Variants in CREB5 observed in about 807,000 individuals in gnomAD.
The protein encoded by CREB5 is cyclic AMP-responsive element-binding protein 5.
A neutral mutation model predicts 57.1 loss-of-function variants in CREB5; 19 were observed. That is an observed-to-expected ratio of 0.33 (90% confidence interval 0.23 to 0.49). The LOEUF (loss-of-function observed/expected upper bound fraction) is 0.49. CREB5 is among the 20% of genes least tolerant of loss of function. The pLI is 0.99. For synonymous variants in CREB5, 238 were observed against 238.3 expected (o/e 1.00, Z 0.01); for missense variants, 579 against 671.6 (o/e 0.86, Z 1.52).
chr7:28,507,812 C>T, intron 4 of CREB5, 75 bp downstream of exon 4: 2 of 1,465,584 alleles, frequency 1.4e-6, no homozygotes, highest in Non-Finnish European at 1.8e-6. Flanking sequence ...TGGCACTGCA[C>T]TGCAGATTGT....
At chr7:28,367,619 C>A (rs568647252) in intron 1 of CREB5, among the ~76,000 whole-genome samples, 44 of 152,204 alleles carry the variant, frequency 2.9e-4, no homozygotes, top group Middle Eastern at 3.4e-3. Context: ...ACCAGCCTGA[C>A]CAACATGGTG....
chr7:28,435,796 C>T (rs1788936406), intron 1 of CREB5: 1 of 395,602 alleles, frequency 2.5e-6, no homozygotes, highest in African/African-American at 2.2e-5. Flanking sequence ...ACATTTCTGC[C>T]ATTGCTCACT....
At chr7:28,472,985 T>A (rs1188293608) in intron 1 of CREB5, among the ~76,000 whole-genome samples, 5 of 152,190 alleles carry the variant, frequency 3.3e-5, no homozygotes, top group African/African-American at 1.2e-4. Context: ...CCTCCCCTGC[T>A]TAGTCTTCAA....
chr7:28,384,364 T>C (rs1450997838), intron 1 of CREB5, among the ~76,000 whole-genome samples: 1 of 152,182 alleles, frequency 6.6e-6, no homozygotes, highest in Non-Finnish European at 1.5e-5. Flanking sequence ...TTTTGAATAG[T>C]GTCTGTATTA....
At chr7:28,797,110 TG>T (rs1808091142) in intron 7 of CREB5, among the ~76,000 whole-genome samples, 1 of 152,250 alleles carries the variant, frequency 6.6e-6, no homozygotes, top group African/African-American at 2.4e-5. Context: ...GATATTAATA[TG>T]GAAAAGGCTG....
chr7:28,604,414 C>G lies in CREB5; in HGVS notation c.464+33877C>G, dbSNP rs191155330. On this transcript the variant is annotated intron_variant, in intron 5 of 10. Coordinates refer to ENST00000357727, the MANE Select transcript of CREB5 (RefSeq NM_182898.4). ...TAGAGCTAGATAATAAGAGGCAACA[C>G]TGCCTACTAAATAGTGCTTGGTGCA... 2.9e-3 allele frequency among the ~76,000 whole-genome samples: 443 copies of G among 152,250 alleles called. 1 individual carries two copies. Among genetic ancestry groups the G allele is most frequent in the African/African-American group, 0.01 (428 of 41,562 alleles).
rs535622314 is a variant in CREB5, at chr7:28,417,041, G to A, written c.3+4124G>A. Among the ~76,000 whole-genome samples the A allele has an allele frequency of 3.3e-5, 5 of 152,346 alleles. No homozygotes were observed. In the East Asian group the frequency reaches 9.7e-4, roughly 29 times the overall value. ...ATTCGTGGCTCTGCAACAATGAGCA[G>A]CCTGAGACTGGAGGAGGGACGCAAT... On this transcript the variant is annotated intron_variant, in intron 1 of 10. Coordinates refer to ENST00000357727, the MANE Select transcript of CREB5 (RefSeq NM_182898.4).
chr7:28,748,558 A>G (rs1804800749), intron 7 of CREB5, among the ~76,000 whole-genome samples: 1 of 152,250 alleles, frequency 6.6e-6, no homozygotes, highest in Non-Finnish European at 1.5e-5. Context: ...AGTTCTGGAG[A>G]AAATTCTTTA....
At chr7:28,464,934 G>A (rs1790502646) in intron 1 of CREB5, among the ~76,000 whole-genome samples, 2 of 152,154 alleles carry the variant, frequency 1.3e-5, no homozygotes, top group South Asian at 4.1e-4. Flanking sequence ...GGAAAGAGAG[G>A]CACATATGAT....
At chr7:28,576,461 C>T (rs1016294659) in intron 5 of CREB5, among the ~76,000 whole-genome samples, 9 of 152,172 alleles carry the variant, frequency 5.9e-5, no homozygotes, top group Admixed American at 5.9e-4. Context: ...CTCAAAAGCA[C>T]ATGTTTCCCC....
At chr7:28,573,954 GC>G (rs2128651268) in intron 5 of CREB5, among the ~76,000 whole-genome samples, 1 of 152,296 alleles carries the variant, frequency 6.6e-6, no homozygotes, top group South Asian at 2.1e-4. Context: ...TGAAAGTAGT[GC>G]CATTACCTCA....
chr7:28,812,742 G>A (rs1005048216), intron 9 of CREB5, among the ~76,000 whole-genome samples: 2 of 152,104 alleles, frequency 1.3e-5, no homozygotes, highest in African/African-American at 2.4e-5. Flanking sequence ...TGCAGATTCC[G>A]CTACCTTTGA....
At chr7:28,586,039 G>C (rs1796294659) in intron 5 of CREB5, among the ~76,000 whole-genome samples, 1 of 152,060 alleles carries the variant, frequency 6.6e-6, no homozygotes, top group African/African-American at 2.4e-5. Context: ...GTGATCCTGG[G>C]TTTTCTGTTT....
intron 5 of CREB5, among the ~76,000 whole-genome samples, chr7:28,592,335 T>C (rs1349086397): frequency 3.3e-5 from 5 of 152,212 alleles, no homozygotes; most frequent in African/African-American, 1.2e-4. Context: ...ATTTTTGTCT[T>C]GCAAAGAACT....
chr7:28,514,981 T>C (rs1189602010), intron 4 of CREB5, among the ~76,000 whole-genome samples: 1 of 152,042 alleles, frequency 6.6e-6, no homozygotes, highest in Non-Finnish European at 1.5e-5. Flanking sequence ...GACTATTGTG[T>C]TGGAAATATT....
chr7:28,581,886 C>T (rs1197439421), intron 5 of CREB5, among the ~76,000 whole-genome samples: 1 of 152,180 alleles, frequency 6.6e-6, no homozygotes, highest in Non-Finnish European at 1.5e-5. Flanking sequence ...TGGTGCACAC[C>T]TTCTCACAGA....
At chr7:28,403,621 G>A (rs1038468924) in intron 1 of CREB5, among the ~76,000 whole-genome samples, 3 of 152,058 alleles carry the variant, frequency 2.0e-5, no homozygotes, top group Admixed American at 1.3e-4. Context: ...ACAAGGCTAC[G>A]GCTGTCAAAT....
At chr7:28,472,979 C>T (rs898689667) in intron 1 of CREB5, among the ~76,000 whole-genome samples, 2 of 152,168 alleles carry the variant, frequency 1.3e-5, no homozygotes, top group Non-Finnish European at 2.9e-5. Flanking sequence ...GACCACCCTC[C>T]CCTGCTTAGT....
At chr7:28,745,418 A>T (rs927298362) in intron 7 of CREB5, among the ~76,000 whole-genome samples, 1 of 152,196 alleles carries the variant, frequency 6.6e-6, no homozygotes, top group Non-Finnish European at 1.5e-5. Context: ...CTTAGCCTTG[A>T]TGCTAGATGA....
Sources: gnomAD v4.1 joint callset for allele counts (sites outside exome capture counted in the v4.1 genomes callset) on GRCh38, gnomAD v4.1.1 for gene constraint, MANE v1.5 for transcripts, NCBI Gene and HGNC (gene_info 2026-07-23, HGNC 2026-07-21) for gene names.